NRG3: variants seen among roughly 807,000 people sequenced by gnomAD.
The protein encoded by NRG3 is neuregulin 3, also known as pro-neuregulin-3, membrane-bound isoform.
A neutral mutation model predicts 66.9 loss-of-function variants in NRG3; 31 were observed. The ratio of observed to expected loss-of-function variants is 0.46; its 90% CI spans 0.35 to 0.63. NRG3 has a LOEUF of 0.63. Ranked by LOEUF, NRG3 falls within the 20% of genes least tolerant of loss-of-function variation. NRG3 has a pLI of 0.00. For missense variants in NRG3, 910 were observed against 878.9 expected, an observed-to-expected ratio of 1.04 and a Z score of -0.45; for synonymous variants, 393 against 359.4, an observed-to-expected ratio of 1.09 and a Z score of -1.06.
intron 1 of NRG3, among the ~76,000 whole-genome samples, chr10:82,052,677 T>C (rs953232174): frequency 6.6e-6 from 1 of 152,186 alleles, no homozygotes; most frequent in African/African-American, 2.4e-5. Context: ...AAGAAACTAA[T>C]AGCGTGTAGC....
intron 5 of NRG3, among the ~76,000 whole-genome samples, chr10:82,954,353 G>A (rs1225221393): frequency 1.3e-5 from 2 of 151,872 alleles, no homozygotes; most frequent in East Asian, 1.9e-4. Context: ...GGCTGTCAAT[G>A]TCTCACTCTG....
At chr10:82,227,150 C>A (rs918438293) in intron 1 of NRG3, among the ~76,000 whole-genome samples, 76 of 152,258 alleles carry the variant, frequency 5.0e-4, no homozygotes, top group Non-Finnish European at 2.6e-4. Flanking sequence ...CTCATTTCCA[C>A]CCACTGCAGC....
chr10:82,590,112 G>T (rs2046895881), intron 2 of NRG3, among the ~76,000 whole-genome samples: 1 of 152,108 alleles, frequency 6.6e-6, no homozygotes, highest in South Asian at 2.1e-4. Context: ...CCATCTGATT[G>T]AATTTGATGT....
At chr10:82,643,908 A>ACACACACACACC (rs1565159299) in intron 2 of NRG3, among the ~76,000 whole-genome samples, 2 of 18,480 alleles carry the variant, frequency 1.1e-4, no homozygotes, top group Non-Finnish European at 3.7e-4. Context: ...ACACACCCAC[A>ACACACACACACC]CACACACACA....
chr10:82,083,219 G>A (rs2133429864), intron 1 of NRG3, among the ~76,000 whole-genome samples: 1 of 152,002 alleles, frequency 6.6e-6, no homozygotes, highest in African/African-American at 2.4e-5. Flanking sequence ...GTTTGGCTCT[G>A]TCCCATATAT....
chr10:82,947,413 A>G (rs973318822), intron 4 of NRG3, among the ~76,000 whole-genome samples: 1 of 152,096 alleles, frequency 6.6e-6, no homozygotes, highest in African/African-American at 2.4e-5. Context: ...TAAAGTTTCT[A>G]TGAACATTGG....
At chr10:82,339,524 T>C (rs1168290855) in intron 1 of NRG3, among the ~76,000 whole-genome samples, 1 of 152,132 alleles carries the variant, frequency 6.6e-6, no homozygotes, top group Non-Finnish European at 1.5e-5. Flanking sequence ...GCCTCCATGA[T>C]TTGGTTACCT....
intron 2 of NRG3, among the ~76,000 whole-genome samples, chr10:82,528,088 T>C (rs2132615351): frequency 2.0e-5 from 3 of 152,214 alleles, no homozygotes; most frequent in Admixed American, 2.0e-4. Context: ...CTCAAAATAT[T>C]GCTAAATTTC....
chr10:82,128,517 G>T (rs1328901178), intron 1 of NRG3, among the ~76,000 whole-genome samples: 1 of 151,976 alleles, frequency 6.6e-6, no homozygotes, highest in Non-Finnish European at 1.5e-5. Context: ...TTATGATAAG[G>T]AAATGCCTTT....
chr10:82,366,989 A>G (rs1007643103), intron 2 of NRG3, among the ~76,000 whole-genome samples: 5 of 152,238 alleles, frequency 3.3e-5, no homozygotes, highest in Non-Finnish European at 7.3e-5. Context: ...ATGGAACCCA[A>G]GATAAGCAAG....
chr10:82,859,985 G>A (rs1307582283), intron 3 of NRG3, among the ~76,000 whole-genome samples: 5 of 152,086 alleles, frequency 3.3e-5, no homozygotes, highest in African/African-American at 4.8e-5. Flanking sequence ...TCTTAAGAAT[G>A]TTTCAGCTCT....
At chr10:82,577,417 ATCATT>A (rs543702268) in intron 2 of NRG3, among the ~76,000 whole-genome samples, 1 of 151,944 alleles carries the variant, frequency 6.6e-6, no homozygotes, top group African/African-American at 2.4e-5. Flanking sequence ...TTTTACAAAA[ATCATT>A]GTAAGTTACA....
chr10:82,643,120 T>C (rs1590990204), intron 2 of NRG3, among the ~76,000 whole-genome samples: 1 of 152,176 alleles, frequency 6.6e-6, no homozygotes, highest in East Asian at 1.9e-4. Flanking sequence ...CAAAGTTTTC[T>C]TTGAAGACAT....
At chr10:82,651,261 CT>C (rs1463225575) in intron 2 of NRG3, among the ~76,000 whole-genome samples, 1 of 152,142 alleles carries the variant, frequency 6.6e-6, no homozygotes, top group Non-Finnish European at 1.5e-5. Flanking sequence ...GAATAAGAAG[CT>C]GAGCTTAGAA....
intron 3 of NRG3, among the ~76,000 whole-genome samples, chr10:82,813,635 T>G (rs770393560): frequency 1.3e-5 from 2 of 152,232 alleles, no homozygotes; most frequent in Admixed American, 1.3e-4. Flanking sequence ...TTTTACACCT[T>G]TATTTGTATT....
intron 1 of NRG3, among the ~76,000 whole-genome samples, chr10:82,082,323 G>T (rs929202847): frequency 6.6e-6 from 1 of 152,122 alleles, no homozygotes; most frequent in African/African-American, 2.4e-5. Context: ...CTATTGCACC[G>T]TAATCTCTAA....
At chr10:82,766,988 T>C (rs1481433232) in intron 3 of NRG3, among the ~76,000 whole-genome samples, 2 of 149,714 alleles carry the variant, frequency 1.3e-5, no homozygotes, top group African/African-American at 4.9e-5. Context: ...TGTGGATATA[T>C]TGTGGATATA....
intron 4 of NRG3, among the ~76,000 whole-genome samples, chr10:82,906,233 G>C (rs1446966575): frequency 6.6e-6 from 1 of 152,122 alleles, no homozygotes; most frequent in African/African-American, 2.4e-5. Context: ...AATCTTCAGG[G>C]CTTTATTCCC....
At chr10:82,345,955 A>G (rs982454387) in intron 1 of NRG3, among the ~76,000 whole-genome samples, 1 of 152,226 alleles carries the variant, frequency 6.6e-6, no homozygotes, top group Non-Finnish European at 1.5e-5. Flanking sequence ...CAGCTTAAGC[A>G]GATTTTGGGC....
Sources: gnomAD v4.1 joint callset for allele counts (sites outside exome capture counted in the v4.1 genomes callset) on GRCh38, gnomAD v4.1.1 for gene constraint, MANE v1.5 for transcripts, NCBI Gene and HGNC (gene_info 2026-07-23, HGNC 2026-07-21) for gene names.